Variants in ARMC2 observed in about 807,000 individuals in gnomAD.
The protein encoded by ARMC2 is armadillo repeat-containing protein 2.
ARMC2 carries 67 observed loss-of-function variants against 90.3 expected under a neutral mutation model. That is an observed-to-expected ratio of 0.74 (90% CI 0.61 to 0.91). ARMC2 has a LOEUF of 0.91. ARMC2 is among the 40% of genes least tolerant of loss of function. ARMC2 has a pLI of 0.00. For synonymous variants in ARMC2, 393 were observed against 393.0 expected (o/e 1.00, Z 0.00); for missense variants, 920 against 1,030.9 (o/e 0.89, Z 1.47).
chr6:108,869,519 A>G (rs1478980470), intron 4 of ARMC2, among the ~76,000 whole-genome samples: 2 of 152,222 alleles, frequency 1.3e-5, no homozygotes, highest in Non-Finnish European at 2.9e-5. Context: ...AAAAAGAAAA[A>G]AAAGAATATT....
chr6:108,939,701 C>G (rs1344676463), intron 12 of ARMC2, among the ~76,000 whole-genome samples: 5 of 152,180 alleles, frequency 3.3e-5, no homozygotes, highest in Non-Finnish European at 4.4e-5. Flanking sequence ...ACTAAAATAC[C>G]TATTAAAATT....
the ARMC2 span, among the ~76,000 whole-genome samples, chr6:109,006,566 G>A: frequency 1.3e-5 from 2 of 151,862 alleles, no homozygotes; most frequent in Admixed American, 6.6e-5. Context: ...TGGTGGAGAC[G>A]GGGGCTGAAT....
At chr6:108,921,631 C>T (rs1457666641) in intron 10 of ARMC2, among the ~76,000 whole-genome samples, 1 of 152,174 alleles carries the variant, frequency 6.6e-6, no homozygotes, top group Non-Finnish European at 1.5e-5. Context: ...ACCACACAGG[C>T]TCTGGTTTTG....
chr6:108,877,973 A>T (rs1288490682), intron 5 of ARMC2, among the ~76,000 whole-genome samples: 1 of 152,174 alleles, frequency 6.6e-6, no homozygotes. Flanking sequence ...GATTGTGTCT[A>T]AGTTGGGTTT....
chr6:108,985,749 AT>A, the ARMC2 span, among the ~76,000 whole-genome samples: 1 of 152,282 alleles, frequency 6.6e-6, no homozygotes, highest in East Asian at 1.9e-4. Context: ...GATAAGTAAA[AT>A]TTTAACTATC....
At chr6:108,901,990 A>G (rs554964575) in intron 7 of ARMC2, among the ~76,000 whole-genome samples, 1 of 152,208 alleles carries the variant, frequency 6.6e-6, no homozygotes, top group Non-Finnish European at 1.5e-5. Flanking sequence ...GGCAGAGCAC[A>G]TGAGTGCTGC....
At chr6:109,020,607 C>G in the ARMC2 span, among the ~76,000 whole-genome samples, 1 of 152,034 alleles carries the variant, frequency 6.6e-6, no homozygotes, top group Non-Finnish European at 1.5e-5. Context: ...CTCTTTATTT[C>G]TATCACTCAA....
the ARMC2 span, among the ~76,000 whole-genome samples, chr6:109,003,159 A>AC: frequency 6.6e-6 from 1 of 152,070 alleles, no homozygotes. Context: ...CTAAAATAAT[A>AC]TATTTCAACT....
chr6:108,866,018 A>G, intron 3 of ARMC2, among the ~76,000 whole-genome samples: 1 of 132,844 alleles, frequency 7.5e-6, no homozygotes, highest in African/African-American at 2.6e-5. Context: ...CCCTGTCTTA[A>G]AAAAAAAAAA....
intron 8 of ARMC2, among the ~76,000 whole-genome samples, chr6:108,905,082 A>G (rs1295379987): frequency 1.3e-5 from 2 of 152,258 alleles, no homozygotes; most frequent in African/African-American, 2.4e-5. Flanking sequence ...AGCCACAATT[A>G]TTATAGAATG....
the ARMC2 span, among the ~76,000 whole-genome samples, chr6:109,007,740 T>C: frequency 6.6e-6 from 1 of 150,994 alleles, no homozygotes; most frequent in Non-Finnish European, 1.5e-5. Flanking sequence ...GTTAATATTG[T>C]CATTAATACT....
In ARMC2 at chr6:108,854,391, A is replaced by G. The variant is rs1376856015; in HGVS notation, c.124A>G (p.Thr42Ala). 3 of 1,613,172 alleles carry G rather than the reference A, an allele frequency of 1.9e-6. No homozygotes were observed. The highest frequency in any genetic ancestry group is 2.5e-6 in the Non-Finnish European group (3 of 1,179,776). Residue 42 changes from threonine to alanine, a missense_variant, in exon 2 of 18, where the codon ACC (threonine) becomes GCC (alanine). Thr to Ala is a moderately conservative substitution (Grantham distance 58). Coordinates refer to ENST00000392644, the MANE Select transcript of ARMC2 (RefSeq NM_032131.6). Reference sequence around the variant, plus strand: ...AAGAAATGCATTAAGAACAGTTAGAACCCAAAGACCATTTACACCACAGGA... The same window carrying G: ...AAGAAATGCATTAAGAACAGTTAGAGCCCAAAGACCATTTACACCACAGGA... ...EARNALRTVR[T>A]QRPFTPQEAQ...
At chr6:108,908,522 G>T (rs1773046705) in intron 8 of ARMC2, among the ~76,000 whole-genome samples, 1 of 152,226 alleles carries the variant, frequency 6.6e-6, no homozygotes, top group Non-Finnish European at 1.5e-5. Flanking sequence ...AAATGTGGGA[G>T]GCTGAGGTGG....
chr6:108,879,620 A>T (rs1172377088), intron 5 of ARMC2, among the ~76,000 whole-genome samples: 1 of 146,646 alleles, frequency 6.8e-6, no homozygotes, highest in Non-Finnish European at 1.5e-5. Context: ...CCATCCATCC[A>T]TGGAATCTCT....
At chr6:108,920,075 A>G (rs17323643) in intron 10 of ARMC2, among the ~76,000 whole-genome samples, 38,980 of 152,112 alleles carry the variant, frequency 0.26, 6,416 homozygotes, top group Non-Finnish European at 0.35. Flanking sequence ...CTAGAGTACT[A>G]TATCTGGTTT....
At chr6:108,958,436 A>C (rs74946864) in intron 13 of ARMC2, among the ~76,000 whole-genome samples, 2 of 152,172 alleles carry the variant, frequency 1.3e-5, no homozygotes, top group Admixed American at 6.5e-5. Flanking sequence ...GCTGTTTATG[A>C]TAAATGCTTA....
At chr6:108,882,416 G>A (rs1426644679) in intron 5 of ARMC2, among the ~76,000 whole-genome samples, 1 of 149,142 alleles carries the variant, frequency 6.7e-6, no homozygotes, top group Non-Finnish European at 1.5e-5. Context: ...TCCAGCCTAG[G>A]CGATGGAGTG....
the ARMC2 span, among the ~76,000 whole-genome samples, chr6:108,982,966 C>T: frequency 2.6e-5 from 4 of 151,722 alleles, no homozygotes; most frequent in South Asian, 2.1e-4. Flanking sequence ...AGTGGGTTAC[C>T]GGTGCACACC....
intron 5 of ARMC2, among the ~76,000 whole-genome samples, chr6:108,881,199 TTTC>T (rs1476879375): frequency 4.0e-5 from 6 of 151,606 alleles, no homozygotes; most frequent in Admixed American, 2.0e-4. Flanking sequence ...TCTTTCTTTG[TTTC>T]TTTCTTTCCT....
Sources: gnomAD v4.1 joint callset for allele counts (sites outside exome capture counted in the v4.1 genomes callset) on GRCh38, gnomAD v4.1.1 for gene constraint, MANE v1.5 for transcripts, NCBI Gene and HGNC (gene_info 2026-07-23, HGNC 2026-07-21) for gene names.